BRD9: variants seen among roughly 807,000 people sequenced by gnomAD.
BRD9 encodes bromodomain containing 9.
Under a neutral mutation model 68.7 loss-of-function variants are expected in BRD9, and 47 were observed. That is an observed-to-expected ratio of 0.68 (90% CI 0.54 to 0.87). BRD9 has a LOEUF of 0.87. Among genes scored for constraint, BRD9 ranks in the 40% least tolerant of loss-of-function variants. BRD9 has a pLI of 0.00. For synonymous variants in BRD9, 313 were observed against 293.9 expected (o/e 1.06, Z -0.67); for missense variants, 670 against 748.4 (o/e 0.90, Z 1.22).
intron 7 of BRD9, among the ~76,000 whole-genome samples, chr5:884,374 A>C (rs556732990): frequency 6.6e-6 from 1 of 152,358 alleles, no homozygotes; most frequent in East Asian, 1.9e-4. Flanking sequence ...ACAGATGCCC[A>C]CACTGGTTAG....
intron 10 of BRD9, 57 bp downstream of exon 10, chr5:879,736 TA>T (rs1751461561): frequency 4.2e-5 from 23 of 552,270 alleles, no homozygotes; most frequent in South Asian, 1.4e-4. Context: ...ATCACTCCAC[TA>T]AACCCCTGCC....
At chr5:871,455 C>G (rs1750115502) in intron 13 of BRD9, 71 bp downstream of exon 13, 1 of 1,436,260 alleles carries the variant, frequency 7.0e-7, no homozygotes, top group African/African-American at 1.4e-5. Flanking sequence ...GACCTCCCCA[C>G]CTCAAAGGCT....
In BRD9 at chr5:891,687, A is replaced by ACTT. The variant is rs761307395; in HGVS notation, c.217_219dup (p.Lys73dup). 2.1e-5 allele frequency: 33 copies of ACTT among 1,550,154 alleles called. No individual in the cohort carries two copies. Among genetic ancestry groups the ACTT allele is most frequent in the South Asian group, 3.6e-5 (3 of 83,974 alleles). ...TCGTCCAGATGCTTCTCCTTCTCGGACTTCTTCTTCTTCTTCTTTTTCTTT... is the reference window on the plus strand; with the variant it reads ...TCGTCCAGATGCTTCTCCTTCTCGGACTTCTTCTTCTTCTTCTTCTTTTTCTTT... On this transcript the variant is annotated inframe_insertion, in exon 2 of 16. Transcript: ENST00000467963.
Position 864,304 on chromosome 5 carries a change from G to A in BRD9, c.*164C>T, listed in dbSNP as rs918325370. The A allele has an allele frequency of 3.6e-6, 2 of 554,396 alleles. No homozygotes were observed. Among genetic ancestry groups the A allele is most frequent in the Non-Finnish European group, 6.3e-6 (2 of 317,594 alleles). The allele number at this position is 554,396 out of a possible 1,614,324, so 34.3% of individuals were successfully genotyped here. On this transcript the variant is annotated 3_prime_UTR_variant, in exon 16 of 16. Transcript: ENST00000467963. The stretch of plus-strand genomic sequence containing the variant: ...CCACTCCTCAGGGTTCGTGGGGCTT[G>A]GAGACTCTGCTGACATGATACCACA...
At chr5:865,693 G>C (rs1264942620) in intron 14 of BRD9, 112 bp from the exon 15 acceptor site, 2 of 1,231,102 alleles carry the variant, frequency 1.6e-6, no homozygotes, top group Non-Finnish European at 2.2e-6. Flanking sequence ...GACAATAATT[G>C]CTCTGGAAAC....
intron 3 of BRD9, among the ~76,000 whole-genome samples, chr5:890,889 C>T (rs757867650): frequency 2.5e-4 from 38 of 152,012 alleles, no homozygotes; most frequent in Non-Finnish European, 4.9e-4. Flanking sequence ...TTTTTATGAA[C>T]GCTTAAAAAA....
intron 3 of BRD9, 63 bp downstream of exon 3, chr5:891,092 C>T (rs776722502): frequency 8.7e-6 from 13 of 1,488,328 alleles, no homozygotes; most frequent in South Asian, 2.7e-5. Flanking sequence ...GACACGGTGC[C>T]GACCCCTCAT....
chr5:868,187 T>C (rs1749630476), intron 14 of BRD9, among the ~76,000 whole-genome samples: 2 of 152,228 alleles, frequency 1.3e-5, no homozygotes, highest in South Asian at 4.1e-4. Context: ...TTCTCCTTCA[T>C]CTTCCGCCAT....
chr5:871,438 A>G, intron 13 of BRD9, 88 bp downstream of exon 13: 3 of 1,203,352 alleles, frequency 2.5e-6, no homozygotes, highest in Non-Finnish European at 3.7e-6. Flanking sequence ...ACGCCGTCAT[A>G]CACACAGACC....
At chr5:888,200 ACACTC>A (rs1478635492) in intron 5 of BRD9, 1 of 152,724 alleles carries the variant, frequency 6.5e-6, no homozygotes, top group Non-Finnish European at 1.5e-5. Flanking sequence ...TCCACTGCGG[ACACTC>A]CACGGAGTGA....
At chr5:869,257 T>A in intron 14 of BRD9, 1 of 454,384 alleles carries the variant, frequency 2.2e-6, no homozygotes, top group Non-Finnish European at 4.4e-6. Context: ...CATTATCCCC[T>A]CTTTTGGAAT....
At chr5:887,311 G>C in intron 6 of BRD9, 50 bp downstream of exon 6, 1 of 1,481,102 alleles carries the variant, frequency 6.8e-7, no homozygotes, top group South Asian at 1.1e-5. Flanking sequence ...AAGCGACGGG[G>C]GGCAGAGCCC....
At chr5:881,597 A>G (rs1751771291) in intron 8 of BRD9, 1 of 258,146 alleles carries the variant, frequency 3.9e-6, no homozygotes, top group Non-Finnish European at 7.5e-6. Context: ...TTCTGTGTAC[A>G]GGCCATCAGG....
intron 1 of BRD9, chr5:892,164 A>G (rs1025971828): frequency 1.9e-5 from 8 of 430,044 alleles, no homozygotes; most frequent in Non-Finnish European, 2.9e-5. Context: ...CCGGAGCCCG[A>G]TCTCCCTCCT....
At chr5:890,751 T>G (rs1229140596) in intron 3 of BRD9, among the ~76,000 whole-genome samples, 1 of 152,198 alleles carries the variant, frequency 6.6e-6, no homozygotes, top group African/African-American at 2.4e-5. Flanking sequence ...AATACTGTCT[T>G]AAGTGCAAAC....
intron 6 of BRD9, 105 bp downstream of exon 6, chr5:887,256 C>A: frequency 1.1e-6 from 1 of 934,888 alleles, no homozygotes; most frequent in Non-Finnish European, 1.7e-6. Flanking sequence ...ATGAGGGTGG[C>A]GGGTGGATGG....
chr5:889,563 C>T (rs1580010571), intron 4 of BRD9, 24 bp downstream of exon 4: 2 of 1,612,684 alleles, frequency 1.2e-6, no homozygotes, highest in East Asian at 4.5e-5. Context: ...CAGACACTAG[C>T]TCTTCAGAAA....
intron 8 of BRD9, chr5:882,036 G>A (rs1751845790): frequency 6.5e-6 from 1 of 152,748 alleles, no homozygotes; most frequent in African/African-American, 2.4e-5. Flanking sequence ...CCTCTGCACA[G>A]TGTCCATGTA....
At chr5:881,464 A>T in intron 8 of BRD9, 1 of 506,078 alleles carries the variant, frequency 2.0e-6, no homozygotes, top group Non-Finnish European at 3.6e-6. Context: ...AAAATTGCTC[A>T]TGAGCCTTGA....
Sources: allele counts gnomAD v4.1 joint callset (sites outside exome capture counted in the v4.1 genomes callset), GRCh38; gene constraint gnomAD v4.1.1; transcripts MANE v1.5; gene names NCBI Gene and HGNC (gene_info 2026-07-23, HGNC 2026-07-21).